The following DNAH11 variants were observed in gnomAD, a reference collection of about 807,000 sequenced individuals.
DNAH11 encodes dynein axonemal heavy chain 11, also known as axonemal beta dynein heavy chain 11.
In DNAH11, 442 loss-of-function variants were observed where a neutral mutation model predicts 526.0. The ratio of observed to expected loss-of-function variants is 0.84; its 90% CI spans 0.78 to 0.91. DNAH11 has a LOEUF of 0.91. Ranked by LOEUF, DNAH11 falls within the 40% of genes least tolerant of loss-of-function variation. The pLI is 0.00. For missense variants in DNAH11, 6,989 were observed against 5,448.7 expected (o/e 1.28, Z -8.90); for synonymous variants, 2,461 against 1,935.9 (o/e 1.27, Z -7.12).
At chr7:21,861,535 TTTATG>T (rs1783064273) in intron 68 of DNAH11, among the ~76,000 whole-genome samples, 1 of 152,222 alleles carries the variant, frequency 6.6e-6, no homozygotes, top group Non-Finnish European at 1.5e-5. Context: ...GATGGTAACT[TTTATG>T]TTATGTGTAT....
chr7:21,862,120 G>A, intron 69 of DNAH11, 97 bp downstream of exon 69: 1 of 1,011,584 alleles, frequency 9.9e-7, no homozygotes, highest in Non-Finnish European at 1.3e-6. Context: ...AAATATAATA[G>A]ACTTTTTTTT....
intron 43 of DNAH11, among the ~76,000 whole-genome samples, chr7:21,719,857 C>T (rs1268729796): frequency 6.6e-6 from 1 of 152,156 alleles, no homozygotes; most frequent in Non-Finnish European, 1.5e-5. Flanking sequence ...GGGGAAGAGT[C>T]TCTTGAGTTT....
chr7:21,735,135 A>G (rs1785546546), intron 45 of DNAH11, among the ~76,000 whole-genome samples: 1 of 152,180 alleles, frequency 6.6e-6, no homozygotes, highest in Admixed American at 6.5e-5. Flanking sequence ...ATGCCACTGC[A>G]CTCCAGCCTG....
chr7:21,882,451 A>G (rs1232966823), intron 75 of DNAH11, among the ~76,000 whole-genome samples: 1 of 152,360 alleles, frequency 6.6e-6, no homozygotes. Context: ...AAGAAAGTAT[A>G]TGTAAAAAAC....
chr7:21,742,332 C>A (rs1287407249), intron 49 of DNAH11, among the ~76,000 whole-genome samples, 166 bp downstream of exon 49: 2 of 152,092 alleles, frequency 1.3e-5, no homozygotes, highest in Non-Finnish European at 2.9e-5. Flanking sequence ...TAGCATGGCC[C>A]CAGCATCTGC....
chr7:21,740,145 A>G (rs891452146), intron 48 of DNAH11, among the ~76,000 whole-genome samples: 3 of 152,066 alleles, frequency 2.0e-5, no homozygotes, highest in East Asian at 1.9e-4. Context: ...TACTCTACCA[A>G]TTCATTCCTC....
rs72657322 is a variant in DNAH11 at position 21,635,806 on chromosome 7, T to C, written c.4501-65T>C. The C allele has an allele frequency of 0.091, 119,720 of 1,309,098 alleles. 6,394 individuals are homozygous for C. The highest frequency in any genetic ancestry group is 0.11 in the Non-Finnish European group (104,445 of 955,318). 81.1% of individuals were successfully genotyped at this position (1,309,098 alleles called of 1,614,324 possible). A position where few individuals can be genotyped will look rare whatever the true frequency, so the allele number is the denominator to read the frequency against. ...CAATAAACAGAGTAGATATAGTGCCTCCCTCATAGCACTCACATTCTACTA... is the reference window on the plus strand; with the variant it reads ...CAATAAACAGAGTAGATATAGTGCCCCCCTCATAGCACTCACATTCTACTA... On this transcript the variant is annotated intron_variant, in intron 25 of 81. Transcript: ENST00000409508.
intron 2 of DNAH11, among the ~76,000 whole-genome samples, chr7:21,555,670 C>G (rs965581534): frequency 6.6e-6 from 1 of 152,222 alleles, no homozygotes; most frequent in African/African-American, 2.4e-5. Context: ...ATTTTCCTCC[C>G]TTGGCTTGTG....
At chr7:21,612,700 T>A (rs1785581834) in intron 20 of DNAH11, among the ~76,000 whole-genome samples, 1 of 152,098 alleles carries the variant, frequency 6.6e-6, no homozygotes, top group South Asian at 2.1e-4. Context: ...TTGTGAAGCA[T>A]GTCTGATTTT....
intron 44 of DNAH11, among the ~76,000 whole-genome samples, 196 bp downstream of exon 44, chr7:21,721,052 C>T (rs568002562): frequency 6.6e-6 from 1 of 152,150 alleles, no homozygotes; most frequent in Admixed American, 6.5e-5. Context: ...AATGCCAAAT[C>T]CATACCCTCC....
intron 18 of DNAH11, among the ~76,000 whole-genome samples, chr7:21,602,894 C>G (rs1453466140): frequency 6.6e-6 from 1 of 152,032 alleles, no homozygotes; most frequent in Non-Finnish European, 1.5e-5. Flanking sequence ...GTGAAATGTA[C>G]TATTCGGATA....
At chr7:21,691,766 AT>A (rs1422898990) in intron 35 of DNAH11, among the ~76,000 whole-genome samples, 2 of 152,212 alleles carry the variant, frequency 1.3e-5, no homozygotes, top group East Asian at 3.9e-4. Context: ...TAGCTCTAAA[AT>A]AGTCCCTCTC....
chr7:21,864,450 C>A (rs577789424), intron 69 of DNAH11, 85 bp from the exon 70 acceptor site: 81 of 1,393,226 alleles, frequency 5.8e-5, no homozygotes, highest in Admixed American at 1.2e-4. Flanking sequence ...CCTACTCAGT[C>A]ATGTCTGTTA....
rs1291286045 is a variant in DNAH11, at chr7:21,854,304, T to A, written c.11062-11T>A. 14 of 1,611,974 alleles carry A rather than the reference T, an allele frequency of 8.7e-6. 1 individual carries two copies. In the Admixed American group the frequency reaches 2.3e-4, roughly 27 times the overall value. Reference sequence around the variant, plus strand: ...TAAATAAGTTACTTATTTTGTTTGATCCCACCATAGGTGATTGAAGCCAAA... The same window carrying A: ...TAAATAAGTTACTTATTTTGTTTGAACCCACCATAGGTGATTGAAGCCAAA... On this transcript the variant is annotated splice_polypyrimidine_tract_variant and intron_variant, in intron 67 of 81. Transcript: ENST00000409508.
chr7:21,570,380 G>T lies in DNAH11; in HGVS notation c.1425+81G>T, dbSNP rs188969541. The T allele has an allele frequency of 3.9e-4, 458 of 1,169,368 alleles. 3 individuals are homozygous for T. In the African/African-American group the frequency reaches 6.3e-3, roughly 16 times the overall value. The allele number at this position is 1,169,368 out of a possible 1,614,324, so 72.4% of individuals were successfully genotyped here. Reference sequence around the variant, plus strand: ...AGCTTTTCACATGATTCATGGAACAGTTTACTTTATATCATAGGTGGAGGT... The same window carrying T: ...AGCTTTTCACATGATTCATGGAACATTTTACTTTATATCATAGGTGGAGGT... On this transcript the variant is annotated intron_variant, in intron 7 of 81. Transcript: ENST00000409508.
chr7:21,748,209 C>A (rs114662073), intron 51 of DNAH11, among the ~76,000 whole-genome samples: 3 of 152,146 alleles, frequency 2.0e-5, no homozygotes, highest in African/African-American at 4.8e-5. Context: ...CCAGGCCAGG[C>A]GCAGTTGCTC....
chr7:21,552,541 G>A (rs2128428103), intron 2 of DNAH11, among the ~76,000 whole-genome samples: 1 of 152,224 alleles, frequency 6.6e-6, no homozygotes, highest in Admixed American at 6.5e-5. Context: ...AATTAAGTAA[G>A]CTTATGGTGG....
Position 21,773,696 on chromosome 7 carries a change from C to T in DNAH11, c.9103-70C>T, listed in dbSNP as rs1004719315. The T allele has an allele frequency of 3.1e-5, 30 of 976,824 alleles. No homozygotes were observed. In the South Asian group the frequency reaches 4.8e-4, roughly 16 times the overall value. 60.5% of individuals were successfully genotyped at this position (976,824 alleles called of 1,614,324 possible). ...CTTTTAGAAAAAAAATGATCATTTA[C>T]TTGATTTTTTTTAAGTTGTATTTTT... On this transcript the variant is annotated intron_variant, in intron 55 of 81. Transcript: ENST00000409508.
rs368831125 is a variant in DNAH11 at position 21,786,665 on chromosome 7, C to T, written c.9639C>T (p.Ile3213=). The change falls in exon 59 of 82, where the codon ATC becomes ATT. Residue 3213 remains isoleucine, a synonymous_variant. Transcript: ENST00000409508. ...TGAAAGCCTTTCCCAACCCTCCCAT[C>T]GCAGTTACCAATGTTACTGCAGCCG... The part of the protein sequence containing the change: ...SELKAFPNPP[I]AVTNVTAAVM... The T allele has an allele frequency of 4.5e-5, 72 of 1,613,398 alleles. No individual in the cohort carries two copies. The highest frequency in any genetic ancestry group is 5.8e-5 in the Non-Finnish European group (68 of 1,179,596).
Sources: gnomAD v4.1 joint callset for allele counts (sites outside exome capture counted in the v4.1 genomes callset) on GRCh38, gnomAD v4.1.1 for gene constraint, MANE v1.5 for transcripts, NCBI Gene and HGNC (gene_info 2026-07-23, HGNC 2026-07-21) for gene names.